Variants in TBC1D16 observed in about 807,000 individuals in gnomAD.
TBC1D16 encodes the protein CTD-2529O21.1.
A neutral mutation model predicts 74.7 loss-of-function variants in TBC1D16; 58 were observed. That is an observed-to-expected ratio of 0.78 (90% CI 0.63 to 0.97). TBC1D16 has a LOEUF of 0.97. Among genes scored for constraint, TBC1D16 ranks in the 50% least tolerant of loss-of-function variants. The pLI, the probability that TBC1D16 is intolerant of heterozygous loss-of-function variation, is 0.00. For synonymous variants in TBC1D16, 493 were observed against 474.7 expected, an observed-to-expected ratio of 1.04 and a Z score of -0.50; for missense variants, 1,014 against 1,079.5, an observed-to-expected ratio of 0.94 and a Z score of 0.85.
In TBC1D16 at chr17:79,954,978, G is replaced by A. The variant is rs763524459; in HGVS notation, c.780-2160C>T. The stretch of plus-strand genomic sequence containing the variant: ...ACGGATGGAGGGCCCCCTCCCTGCT[G>A]CCGTGGCCACAGAAGACTGGTCCCC... On this transcript the variant is annotated intron_variant, in intron 3 of 11. Coordinates refer to ENST00000310924, the MANE Select transcript of TBC1D16 (RefSeq NM_019020.4). The surrounding 1 kb of genome is among the most constrained non-coding windows in gnomAD (Gnocchi z 5.5). Among the ~76,000 whole-genome samples the A allele has an allele frequency of 1.5e-4, 23 of 152,142 alleles. No individual in the cohort carries two copies. The highest frequency in any genetic ancestry group is 2.8e-4 in the Non-Finnish European group (19 of 68,018).
In TBC1D16 at chr17:80,010,029, A is replaced by C. The variant is rs1598421970; in HGVS notation, c.779+131T>G. 1 of 788,974 alleles carries C rather than the reference A, an allele frequency of 1.3e-6. No individual in the cohort carries two copies. The highest frequency in any genetic ancestry group is 2.0e-6 in the Non-Finnish European group (1 of 507,044). 48.9% of individuals were successfully genotyped at this position (788,974 alleles called of 1,614,324 possible). The stretch of plus-strand genomic sequence containing the variant: ...AGGGGCTCCTGCCACAGCCACGGCC[A>C]CAGCCGCGGGCAGGTCGGGCAGATG... On this transcript the variant is annotated intron_variant, in intron 3 of 11. Coordinates refer to ENST00000310924, the MANE Select transcript of TBC1D16 (RefSeq NM_019020.4). This position sits in a 1 kb window ranked among gnomAD's most constrained non-coding sequence, Gnocchi z 8.8.
At chr17:79,958,508 G>A (rs1041379798) in intron 3 of TBC1D16, among the ~76,000 whole-genome samples, 4 of 152,152 alleles carry the variant, frequency 2.6e-5, no homozygotes, top group African/African-American at 4.8e-5. Flanking sequence ...GTGAGCCACC[G>A]CGCCCAGCCC....
At position 79,971,054 on chromosome 17, in the gene TBC1D16, T is replaced by A. The variant is rs2034078475; in HGVS notation, c.780-18236A>T. On this transcript the variant is annotated intron_variant, in intron 3 of 11. Transcript: ENST00000310924. The surrounding 1 kb of genome is among the most constrained non-coding windows in gnomAD (Gnocchi z 4.6). ...TTATTTTTTTTTGAGATGGAGTCTG[T>A]CTCCATTGCCCAGGCTGGAGTGCAG... is the stretch of plus-strand genomic sequence containing the variant. 1.3e-5 allele frequency among the ~76,000 whole-genome samples: 2 copies of A among 151,932 alleles called. No individual in the cohort carries two copies. Among genetic ancestry groups the A allele is most frequent in the Non-Finnish European group, 2.9e-5 (2 of 67,996 alleles).
intron 1 of TBC1D16, among the ~76,000 whole-genome samples, chr17:80,028,253 G>A (rs957104079): frequency 2.5e-4 from 38 of 152,080 alleles, no homozygotes; most frequent in Admixed American, 1.2e-3. Flanking sequence ...AAGAATAGCC[G>A]GGCGCAGTGG....
chr17:79,947,046 G>A (rs547369673), intron 9 of TBC1D16, among the ~76,000 whole-genome samples: 3 of 152,342 alleles, frequency 2.0e-5, no homozygotes, highest in African/African-American at 4.8e-5. Context: ...GGTCCCACAC[G>A]CTGGCCCTCC....
chr17:79,965,411 G>A (rs1470688783), intron 3 of TBC1D16, among the ~76,000 whole-genome samples: 5 of 152,046 alleles, frequency 3.3e-5, no homozygotes, highest in Non-Finnish European at 5.9e-5. Flanking sequence ...AGAAGCCTGT[G>A]TTTCTTTTAA....
intron 3 of TBC1D16, among the ~76,000 whole-genome samples, chr17:79,963,860 G>A (rs866002670): frequency 1.3e-5 from 2 of 152,102 alleles, no homozygotes; most frequent in African/African-American, 2.4e-5. Flanking sequence ...TGTGCTTATC[G>A]GGCATTCGTG....
At chr17:80,012,031 G>A (rs927408147) in intron 2 of TBC1D16, among the ~76,000 whole-genome samples, 1 of 152,038 alleles carries the variant, frequency 6.6e-6, no homozygotes, top group Non-Finnish European at 1.5e-5. Flanking sequence ...GCTCAGTTCT[G>A]GGGGGAGGTG....
At chr17:80,017,388 A>G (rs1053633943) in intron 1 of TBC1D16, among the ~76,000 whole-genome samples, 3 of 152,086 alleles carry the variant, frequency 2.0e-5, no homozygotes, top group African/African-American at 7.2e-5. Flanking sequence ...CCCCTTAAAA[A>G]ACGTAAAAAC....
intron 3 of TBC1D16, among the ~76,000 whole-genome samples, chr17:79,957,763 G>A (rs533427607): frequency 1.6e-4 from 25 of 151,738 alleles, no homozygotes; most frequent in African/African-American, 6.1e-4. Context: ...GGGAGGCTGT[G>A]CGTGTGGTGG....
At chr17:79,969,164 G>A (rs558622955) in intron 3 of TBC1D16, among the ~76,000 whole-genome samples, 1 of 151,852 alleles carries the variant, frequency 6.6e-6, no homozygotes, top group South Asian at 2.1e-4. Context: ...AGGTGGGCAG[G>A]TCACCTGAGG....
At position 79,961,412 on chromosome 17, in the gene TBC1D16, C is replaced by A. The variant is rs895709066; in HGVS notation, c.780-8594G>T. Among the ~76,000 whole-genome samples, 1 of 152,220 alleles carries A rather than the reference C, an allele frequency of 6.6e-6. No individual in the cohort carries two copies. The highest frequency in any genetic ancestry group is 2.4e-5 in the African/African-American group (1 of 41,468). ...GACTGCTGGTGGGAATGCAACACGGCAAACCACTTTAGGAAAGCAGTTCAG... is the reference window on the plus strand; with the variant it reads ...GACTGCTGGTGGGAATGCAACACGGAAAACCACTTTAGGAAAGCAGTTCAG... On this transcript the variant is annotated intron_variant, in intron 3 of 11. Coordinates refer to ENST00000310924, the MANE Select transcript of TBC1D16 (RefSeq NM_019020.4). This position sits in a 1 kb window ranked among gnomAD's most constrained non-coding sequence, Gnocchi z 4.8.
Position 80,013,447 on chromosome 17 carries a change from T to A in TBC1D16, c.101A>T (p.Asp34Val). The A allele has an allele frequency of 1.9e-6, 3 of 1,604,234 alleles. No homozygotes were observed. The highest frequency in any genetic ancestry group is 2.6e-6 in the Non-Finnish European group (3 of 1,175,994). The change falls in exon 2 of 12, where the codon GAT (aspartate) becomes GTT (valine). Residue 34 changes from aspartate (D) to valine (V), a missense_variant. By Grantham distance (152) the Asp-to-Val change is radical (BLOSUM62 -3). Transcript: ENST00000310924. ...GTTCTTGGAGTAGATGATCTCTCCA[T>A]CCAGGACAGAGGGGGACCCGCTGCC... The part of the protein sequence containing the change: ...GSGSGSPSVL[D>V]GEIIYSKNNV...
intron 3 of TBC1D16, among the ~76,000 whole-genome samples, chr17:79,984,282 C>T (rs1398042955): frequency 6.6e-6 from 1 of 152,190 alleles, no homozygotes; most frequent in Non-Finnish European, 1.5e-5. Context: ...ACTGGGATTA[C>T]AGGTGTGAAC....
intron 3 of TBC1D16, among the ~76,000 whole-genome samples, chr17:79,978,297 C>A (rs751808469): frequency 5.3e-5 from 8 of 152,244 alleles, no homozygotes; most frequent in Non-Finnish European, 1.0e-4. Flanking sequence ...TCCGCTCCGG[C>A]GATTAACTCT....
chr17:80,035,219 G>T lies in TBC1D16; in HGVS notation c.-63+576C>A, dbSNP rs2036925577. The stretch of plus-strand genomic sequence containing the variant: ...TTCCTTTTTTTCTTTCCTTCCTTTC[G>T]TTCTTTCTTTCTTTTTCTTTTTTTT... On this transcript the variant is annotated intron_variant, in intron 1 of 11. Transcript: ENST00000310924. The surrounding 1 kb of genome is among the most constrained non-coding windows in gnomAD (Gnocchi z 5.3). 3.5e-5 allele frequency among the ~76,000 whole-genome samples: 5 copies of T among 143,852 alleles called. No individual in the cohort carries two copies. Among genetic ancestry groups the T allele is most frequent in the African/African-American group, 1.3e-4 (5 of 39,080 alleles). 94.4% of individuals were successfully genotyped at this position (143,852 alleles called of 152,430 possible). A position where few individuals can be genotyped will look rare whatever the true frequency, so the allele number is the denominator to read the frequency against.
chr17:79,945,308 C>T (rs1277357520), intron 9 of TBC1D16, among the ~76,000 whole-genome samples: 2 of 152,200 alleles, frequency 1.3e-5, no homozygotes, highest in South Asian at 2.1e-4. Context: ...CTGACTGTTC[C>T]GGAGGCTGTG....
At chr17:80,019,530 T>C (rs773234620) in intron 1 of TBC1D16, among the ~76,000 whole-genome samples, 67 of 148,928 alleles carry the variant, frequency 4.5e-4, no homozygotes, top group Non-Finnish European at 8.7e-4. Context: ...CAGGACTGTT[T>C]GCTCTCTAAA....
In TBC1D16 at chr17:79,975,520, C is replaced by T. The variant is rs992636387; in HGVS notation, c.780-22702G>A. Among the ~76,000 whole-genome samples the T allele has an allele frequency of 2.0e-5, 3 of 152,224 alleles. No homozygotes were observed. Among genetic ancestry groups the T allele is most frequent in the South Asian group, 2.1e-4 (1 of 4,830 alleles). On this transcript the variant is annotated intron_variant, in intron 3 of 11. Coordinates refer to ENST00000310924, the MANE Select transcript of TBC1D16 (RefSeq NM_019020.4). This position sits in a 1 kb window ranked among gnomAD's most constrained non-coding sequence, Gnocchi z 4.5. ...AAAAGCTTGCTCAAAAGAATGGGAC[C>T]GGGAGCAACCGCAATGCCCTCTGGA...
Sources: allele counts gnomAD v4.1 joint callset (sites outside exome capture counted in the v4.1 genomes callset), GRCh38; gene constraint gnomAD v4.1.1; non-coding constraint Gnocchi (gnomAD v3.1); transcripts MANE v1.5; gene names NCBI Gene and HGNC (gene_info 2026-07-23, HGNC 2026-07-21).